Variants in TUSC3 observed in about 807,000 individuals in gnomAD.
TUSC3 encodes dolichyl-diphosphooligosaccharide--protein glycosyltransferase subunit TUSC3.
Under a neutral mutation model 44.8 loss-of-function variants are expected in TUSC3, and 45 were observed. That is an observed-to-expected ratio of 1.00 (90% CI 0.79 to 1.29). The LOEUF (loss-of-function observed/expected upper bound fraction) is 1.29. Ranked by LOEUF, TUSC3 falls within the 50% of genes most tolerant of loss-of-function variation. The pLI is 0.00. For synonymous variants in TUSC3, 212 were observed against 152.9 expected (o/e 1.39, Z -2.85); for missense variants, 519 against 437.9 (o/e 1.19, Z -1.65).
At chr8:15,586,618 T>C (rs926556969) in intron 1 of TUSC3, among the ~76,000 whole-genome samples, 10 of 152,210 alleles carry the variant, frequency 6.6e-5, no homozygotes, top group Non-Finnish European at 1.2e-4. Context: ...TGCAAATCAT[T>C]TGGAGTGAGA....
intron 9 of TUSC3, chr8:15,748,825 A>G (rs758794080): frequency 4.3e-6 from 2 of 463,812 alleles, no homozygotes; most frequent in South Asian, 1.6e-5. Flanking sequence ...TCATTGTCTA[A>G]TAAACTTTGT....
At chr8:15,433,839 G>T (rs532530042) in intron 1 of TUSC3, among the ~76,000 whole-genome samples, 2 of 152,144 alleles carry the variant, frequency 1.3e-5, no homozygotes, top group African/African-American at 4.8e-5. Context: ...TCTGTATTTG[G>T]ATTTTTTCCA....
At chr8:15,549,603 C>A (rs1349971655) in intron 1 of TUSC3, among the ~76,000 whole-genome samples, 1 of 151,456 alleles carries the variant, frequency 6.6e-6, no homozygotes, top group African/African-American at 2.4e-5. Context: ...TAATAATATT[C>A]TTTTGGTTAA....
chr8:15,595,219 T>C (rs1293112637), intron 1 of TUSC3, among the ~76,000 whole-genome samples: 1 of 152,210 alleles, frequency 6.6e-6, no homozygotes, highest in Non-Finnish European at 1.5e-5. Context: ...TAGATACTTT[T>C]CCCAGCCTCT....
intron 1 of TUSC3, among the ~76,000 whole-genome samples, chr8:15,570,670 C>T (rs1802838654): frequency 1.3e-5 from 2 of 151,994 alleles, no homozygotes; most frequent in African/African-American, 4.8e-5. Flanking sequence ...ACAAGCTTAG[C>T]ATGATTTTAT....
chr8:15,566,025 A>G (rs1802655371), intron 1 of TUSC3, among the ~76,000 whole-genome samples: 1 of 152,202 alleles, frequency 6.6e-6, no homozygotes, highest in Non-Finnish European at 1.5e-5. Context: ...ATGTATTTAA[A>G]CACACCTGAT....
rs573212909 is a variant in TUSC3, at chr8:15,628,791, C to T, written c.308+5542C>T. Among the ~76,000 whole-genome samples, 376 of 152,292 alleles carry T rather than the reference C, an allele frequency of 2.5e-3. 3 individuals carry two copies. Among genetic ancestry groups the T allele is most frequent in the Non-Finnish European group, 3.5e-3 (241 of 68,022 alleles). ...CTGTAGAATTAAATGATGTTCTTTC[C>T]TAGTACTGAGCAATTTAGTAGCAAG... On this transcript the variant is annotated intron_variant, in intron 2 of 10. Transcript: ENST00000503731.
chr8:15,532,665 G>T (rs926612922), intron 2 of TUSC3, among the ~76,000 whole-genome samples: 11 of 152,122 alleles, frequency 7.2e-5, no homozygotes, highest in African/African-American at 2.7e-4. Flanking sequence ...TTGGTTCTGT[G>T]TCCCCACCCA....
the TUSC3 span, among the ~76,000 whole-genome samples, chr8:15,788,056 C>T: frequency 5.4e-3 from 830 of 152,330 alleles, 9 homozygotes; most frequent in African/African-American, 0.019. Context: ...GACCTGCCCC[C>T]TGTCCCTCTG....
chr8:15,715,317 TAATA>T (rs1810012461), intron 6 of TUSC3, among the ~76,000 whole-genome samples: 2 of 152,300 alleles, frequency 1.3e-5, no homozygotes, highest in Admixed American at 6.5e-5. Context: ...CAATATTCTG[TAATA>T]AATTATGTTA....
intron 6 of TUSC3, among the ~76,000 whole-genome samples, chr8:15,675,012 C>G (rs1377912633): frequency 6.6e-6 from 1 of 151,982 alleles, no homozygotes; most frequent in Non-Finnish European, 1.5e-5. Flanking sequence ...TATACTCTGT[C>G]TCCCTCTCCT....
intron 1 of TUSC3, among the ~76,000 whole-genome samples, chr8:15,569,184 C>G (rs1043450936): frequency 2.0e-5 from 3 of 152,014 alleles, no homozygotes; most frequent in African/African-American, 7.2e-5. Context: ...GTTTTTGTCC[C>G]ATCTGCTTCT....
chr8:15,533,082 C>T (rs908245116), intron 2 of TUSC3, among the ~76,000 whole-genome samples: 2 of 152,200 alleles, frequency 1.3e-5, no homozygotes, highest in Non-Finnish European at 2.9e-5. Flanking sequence ...TGAGCCACCA[C>T]GCCCAGACCG....
the TUSC3 span, among the ~76,000 whole-genome samples, chr8:15,844,262 A>C: frequency 6.6e-6 from 1 of 152,154 alleles, no homozygotes; most frequent in Non-Finnish European, 1.5e-5. Context: ...AAATTAATAT[A>C]ATTTACTTCC....
chr8:15,753,439 T>C (rs904670035), intron 9 of TUSC3, among the ~76,000 whole-genome samples: 1 of 152,094 alleles, frequency 6.6e-6, no homozygotes, highest in Non-Finnish European at 1.5e-5. Context: ...CAGGTTTATA[T>C]AGTATAACTG....
chr8:15,669,707 C>T (rs1335565022), intron 5 of TUSC3, among the ~76,000 whole-genome samples: 1 of 151,544 alleles, frequency 6.6e-6, no homozygotes, highest in Non-Finnish European at 1.5e-5. Flanking sequence ...AGGGAATTTC[C>T]TTAATCTGAT....
intron 2 of TUSC3, among the ~76,000 whole-genome samples, chr8:15,508,607 G>T (rs966770186): frequency 2.0e-5 from 3 of 151,638 alleles, no homozygotes; most frequent in Non-Finnish European, 1.5e-5. Flanking sequence ...GACTACAGGC[G>T]CCTGCCACCA....
chr8:15,473,511 A>G (rs905070767), intron 1 of TUSC3, among the ~76,000 whole-genome samples: 1 of 152,010 alleles, frequency 6.6e-6, no homozygotes, highest in African/African-American at 2.4e-5. Context: ...TATTGGGGGA[A>G]CCCACCCCCA....
intron 1 of TUSC3, among the ~76,000 whole-genome samples, chr8:15,616,696 G>C (rs1804999256): frequency 6.6e-6 from 1 of 152,170 alleles, no homozygotes; most frequent in South Asian, 2.1e-4. Flanking sequence ...AGGAAGGAGA[G>C]AGCGCTACAA....
Sources: allele counts gnomAD v4.1 joint callset (sites outside exome capture counted in the v4.1 genomes callset), GRCh38; gene constraint gnomAD v4.1.1; transcripts MANE v1.5; gene names NCBI Gene and HGNC (gene_info 2026-07-23, HGNC 2026-07-21).